Variants in RASA1 observed in about 807,000 individuals in gnomAD.
RASA1 encodes RAS p21 protein activator 1, also known as ras GTPase-activating protein 1.
Under a neutral mutation model 132.2 loss-of-function variants are expected in RASA1, and 25 were observed. That is an observed-to-expected ratio of 0.19 (90% confidence interval 0.14 to 0.26). The LOEUF (loss-of-function observed/expected upper bound fraction) is 0.26, where lower values mean the gene tolerates loss of function less well. Among genes scored for constraint, RASA1 ranks in the 10% least tolerant of loss-of-function variants. RASA1 has a pLI of 1.00. For missense variants in RASA1, 964 were observed against 1,299.2 expected (o/e 0.74, Z 3.97); for synonymous variants, 477 against 449.9 (o/e 1.06, Z -0.76).
At chr5:87,286,997 A>T (rs899154942) in intron 1 of RASA1, among the ~76,000 whole-genome samples, 9 of 147,598 alleles carry the variant, frequency 6.1e-5, no homozygotes, top group Non-Finnish European at 1.4e-4. Context: ...TACACACCAT[A>T]TATATACCAT....
intron 1 of RASA1, among the ~76,000 whole-genome samples, chr5:87,313,813 C>T (rs1756105817): frequency 6.6e-6 from 1 of 152,076 alleles, no homozygotes; most frequent in Admixed American, 6.6e-5. Flanking sequence ...TTTCTGTAGA[C>T]AAAGGGATGG....
intron 1 of RASA1, among the ~76,000 whole-genome samples, chr5:87,277,765 T>TG (rs1310467872): frequency 1.3e-5 from 2 of 152,148 alleles, no homozygotes; most frequent in African/African-American, 4.8e-5. Flanking sequence ...TCCTCATTCT[T>TG]TTAATTTCTT....
At chr5:87,353,776 G>C (rs559950604) in intron 9 of RASA1, among the ~76,000 whole-genome samples, 27 of 152,214 alleles carry the variant, frequency 1.8e-4, no homozygotes, top group Middle Eastern at 3.4e-3. Flanking sequence ...CTAGACAAAA[G>C]TGAATAGAAT....
chr5:87,275,423 A>G (rs1754020540), intron 1 of RASA1, among the ~76,000 whole-genome samples: 1 of 152,166 alleles, frequency 6.6e-6, no homozygotes, highest in African/African-American at 2.4e-5. Flanking sequence ...TGACTTCTCC[A>G]CATGTGATCT....
intron 12 of RASA1, among the ~76,000 whole-genome samples, 158 bp downstream of exon 12, chr5:87,370,058 T>A (rs978246076): frequency 1.9e-4 from 29 of 152,096 alleles, no homozygotes; most frequent in Admixed American, 2.6e-4. Flanking sequence ...ATGTAAAAAG[T>A]TTTCTGAAAG....
intron 5 of RASA1, among the ~76,000 whole-genome samples, chr5:87,338,536 A>ATATATATATTTTTTTTTTTTTTTT: frequency 2.3e-5 from 2 of 85,218 alleles, no homozygotes; most frequent in African/African-American, 8.8e-5. Flanking sequence ...TATATATAAA[A>ATATATATATTTTTTTTTTTTTTTT]TTTTTTTTTT....
intron 15 of RASA1, 132 bp downstream of exon 15, chr5:87,375,048 C>A: frequency 1.6e-6 from 2 of 1,213,328 alleles, no homozygotes; most frequent in Non-Finnish European, 2.2e-6. Context: ...TAGTTTCTTT[C>A]TGTACTTCTT....
chr5:87,284,299 C>T (rs1052722182), intron 1 of RASA1, among the ~76,000 whole-genome samples: 2 of 152,156 alleles, frequency 1.3e-5, no homozygotes, highest in East Asian at 1.9e-4. Context: ...TTCTTTCATA[C>T]ATTATGTCAC....
chr5:87,376,907 A>G lies in RASA1; in HGVS notation c.2211A>G (p.Val737=). 6.2e-7 allele frequency: 1 copy of G among 1,609,598 alleles called. No homozygotes were observed. The highest frequency in any genetic ancestry group is 8.5e-7 in the Non-Finnish European group (1 of 1,175,884). The stretch of plus-strand genomic sequence containing the variant: ...TTATACTGCAAAAGGAACTTCATGT[A>G]GTCTATGCTTTATCACATGTATGTG... The part of the protein sequence containing the change: ...KELILQKELH[V]VYALSHVCGQ... Residue 737 remains valine (V), a synonymous_variant, in exon 17 of 25, where the codon GTA becomes GTG. Coordinates refer to ENST00000274376, the MANE Select transcript of RASA1 (RefSeq NM_002890.3).
At chr5:87,335,419 G>GTTTTTTTTTTTTTTTTT (rs34986349) in intron 4 of RASA1, among the ~76,000 whole-genome samples, 3 of 72,886 alleles carry the variant, frequency 4.1e-5, no homozygotes, top group Non-Finnish European at 7.3e-5. Context: ...AAAGAATGAG[G>GTTTTTTTTTTTTTTTTT]TTTTTTTTTT....
At chr5:87,372,039 G>GAAAA (rs35014912) in intron 12 of RASA1, 79 bp from the exon 13 acceptor site, 440 of 1,020,210 alleles carry the variant, frequency 4.3e-4, no homozygotes, top group Non-Finnish European at 5.4e-4. Context: ...TGTTGAATTT[G>GAAAA]AAAAAAAAAA....
chr5:87,376,926 G>A lies in RASA1; in HGVS notation c.2230G>A (p.Val744Ile), dbSNP rs748479550. ...TCATGTAGTCTATGCTTTATCACAT[G>A]TATGTGGACAAGACCGAACACTACT... The part of the protein sequence containing the change: ...ELHVVYALSH[V>I]CGQDRTLLAS... Residue 744 changes from valine to isoleucine, a missense_variant, in exon 17 of 25, where the codon GTA becomes ATA. Transcript: ENST00000274376. 3.1e-6 allele frequency: 5 copies of A among 1,610,522 alleles called. No homozygotes were observed. The highest frequency in any genetic ancestry group is 1.7e-4 in the Middle Eastern group (1 of 6,044).
At chr5:87,377,183 C>A in intron 17 of RASA1, 143 bp downstream of exon 17, 1 of 1,075,796 alleles carries the variant, frequency 9.3e-7, no homozygotes, top group Non-Finnish European at 1.4e-6. Flanking sequence ...TTAAAAATTG[C>A]AGTTGGATGT....
At chr5:87,338,537 T>TATATATATA (rs1421369290) in intron 5 of RASA1, among the ~76,000 whole-genome samples, 3 of 79,798 alleles carry the variant, frequency 3.8e-5, no homozygotes, top group South Asian at 4.3e-4. Flanking sequence ...ATATATAAAA[T>TATATATATA]TTTTTTTTTT....
Position 87,391,109 on chromosome 5 carries a change from C to A in RASA1, c.*226C>A, listed in dbSNP as rs554568547. On this transcript the variant is annotated 3_prime_UTR_variant, in exon 25 of 25. Transcript: ENST00000274376. ...TGCACTATTTCCACATGGAATCAAT[C>A]TTTAACAACCTCTGAGCCTTGGTGT... 3.2e-6 allele frequency: 2 copies of A among 618,344 alleles called. No individual in the cohort carries two copies. The highest frequency in any genetic ancestry group is 5.2e-5 in the Admixed American group (2 of 38,330). The allele number at this position is 618,344 out of a possible 1,614,324, so 38.3% of individuals were successfully genotyped here.
chr5:87,341,238 A>G, intron 5 of RASA1, 52 bp from the exon 6 acceptor site: 1 of 1,071,714 alleles, frequency 9.3e-7, no homozygotes, highest in Non-Finnish European at 1.2e-6. Context: ...TTTTAATAAA[A>G]ATTGATTAAT....
intron 15 of RASA1, among the ~76,000 whole-genome samples, chr5:87,375,617 C>T (rs756594469): frequency 6.6e-6 from 1 of 152,110 alleles, no homozygotes; most frequent in Non-Finnish European, 1.5e-5. Flanking sequence ...AAAAATTTCC[C>T]TTAAACTTGA....
At chr5:87,371,145 A>G (rs1760909252) in intron 12 of RASA1, among the ~76,000 whole-genome samples, 1 of 152,140 alleles carries the variant, frequency 6.6e-6, no homozygotes, top group South Asian at 2.1e-4. Flanking sequence ...CCATAATGAC[A>G]TTTCAGCATG....
intron 1 of RASA1, among the ~76,000 whole-genome samples, chr5:87,307,443 A>G (rs1422740179): frequency 1.3e-5 from 2 of 150,888 alleles, no homozygotes; most frequent in Non-Finnish European, 2.9e-5. Flanking sequence ...CCTGGGCAAC[A>G]GAGCGAAACT....
Sources: gnomAD v4.1 joint callset for allele counts (sites outside exome capture counted in the v4.1 genomes callset) on GRCh38, gnomAD v4.1.1 for gene constraint, MANE v1.5 for transcripts, NCBI Gene and HGNC (gene_info 2026-07-23, HGNC 2026-07-21) for gene names.